TMTC1: variants seen among roughly 807,000 people sequenced by gnomAD.
TMTC1 encodes protein O-mannosyl-transferase TMTC1.
TMTC1 carries 73 observed loss-of-function variants against 104.8 expected under a neutral mutation model. The observed-to-expected ratio is 0.70, with a 90% CI of 0.58 to 0.85. The LOEUF is 0.85. Among genes scored for constraint, TMTC1 ranks in the 40% least tolerant of loss-of-function variants. TMTC1 has a pLI of 0.00. For missense variants in TMTC1, 1,035 were observed against 1,096.1 expected, an observed-to-expected ratio of 0.94 and a Z score of 0.79; for synonymous variants, 434 against 428.7, an observed-to-expected ratio of 1.01 and a Z score of -0.15.
intron 15 of TMTC1, among the ~76,000 whole-genome samples, chr12:29,515,525 C>T (rs1313185228): frequency 6.6e-6 from 1 of 152,170 alleles, no homozygotes; most frequent in Non-Finnish European, 1.5e-5. Context: ...ATCCTCCTTG[C>T]TTCTTCCTCT....
chr12:29,747,563 C>T (rs1348735316), intron 5 of TMTC1, among the ~76,000 whole-genome samples: 1 of 152,092 alleles, frequency 6.6e-6, no homozygotes, highest in African/African-American at 2.4e-5. Context: ...CCAATGCATC[C>T]CATATGACTA....
intron 7 of TMTC1, among the ~76,000 whole-genome samples, chr12:29,591,600 G>A (rs1946282801): frequency 6.6e-6 from 1 of 152,200 alleles, no homozygotes; most frequent in African/African-American, 2.4e-5. Flanking sequence ...CTTCGAGAAT[G>A]TAGCGATCTG....
intron 15 of TMTC1, among the ~76,000 whole-genome samples, chr12:29,515,744 G>A (rs1015239587): frequency 1.6e-5 from 2 of 121,250 alleles, no homozygotes; most frequent in Non-Finnish European, 3.4e-5. Flanking sequence ...ATGAAGACAA[G>A]GGCAGTGACT....
intron 11 of TMTC1, among the ~76,000 whole-genome samples, chr12:29,526,100 T>C (rs1944336258): frequency 6.6e-6 from 1 of 152,180 alleles, no homozygotes; most frequent in African/African-American, 2.4e-5. Context: ...GAAGTTTTGA[T>C]TGTCTTCCCA....
At chr12:29,587,711 C>T (rs1218156143) in intron 7 of TMTC1, among the ~76,000 whole-genome samples, 1 of 152,182 alleles carries the variant, frequency 6.6e-6, no homozygotes, top group Non-Finnish European at 1.5e-5. Context: ...CTATTACTAT[C>T]AGAAGTATTA....
chr12:29,698,887 C>T (rs1273331463), intron 5 of TMTC1, among the ~76,000 whole-genome samples: 1 of 152,148 alleles, frequency 6.6e-6, no homozygotes, highest in Non-Finnish European at 1.5e-5. Flanking sequence ...CTGGAACAAC[C>T]CCATACTCTC....
intron 10 of TMTC1, among the ~76,000 whole-genome samples, chr12:29,540,747 C>A (rs1285035358): frequency 6.6e-6 from 1 of 152,024 alleles, no homozygotes; most frequent in East Asian, 1.9e-4. Context: ...GTAATCCCAG[C>A]ACTTTCGGAG....
chr12:29,558,899 G>A (rs778713860), intron 9 of TMTC1, among the ~76,000 whole-genome samples: 1 of 152,178 alleles, frequency 6.6e-6, no homozygotes, highest in African/African-American at 2.4e-5. Context: ...GCCCAGGAAA[G>A]TGTCCCGCAA....
intron 5 of TMTC1, among the ~76,000 whole-genome samples, chr12:29,704,388 T>C (rs1038436903): frequency 1.1e-4 from 16 of 152,302 alleles, no homozygotes; most frequent in African/African-American, 2.9e-4. Context: ...AGATGAATGA[T>C]AGAAAGTCTG....
intron 17 of TMTC1, among the ~76,000 whole-genome samples, chr12:29,508,475 C>A (rs1011130962): frequency 1.8e-4 from 27 of 152,132 alleles, no homozygotes; most frequent in African/African-American, 5.8e-4. Flanking sequence ...GAATGTCAGC[C>A]CCAGTGAAGT....
intron 10 of TMTC1, among the ~76,000 whole-genome samples, chr12:29,543,477 C>T (rs900926588): frequency 6.6e-6 from 1 of 152,044 alleles, no homozygotes; most frequent in South Asian, 2.1e-4. Context: ...ATTTGGCGAC[C>T]CTCTTGGTGG....
chr12:29,514,415 T>C, intron 16 of TMTC1, 67 bp downstream of exon 16: 1 of 1,513,092 alleles, frequency 6.6e-7, no homozygotes, highest in Non-Finnish European at 8.9e-7. Context: ...CATGTTTCCT[T>C]AAAGATCAAA....
chr12:29,647,035 C>A lies in TMTC1; in HGVS notation c.939-13699G>T, dbSNP rs1057003579. Reference sequence around the variant, plus strand: ...AGCTTCGTTTCGAAAAAACATGTTTCTTTTTGAGACAGAATGTCACTCTGT... The same window carrying A: ...AGCTTCGTTTCGAAAAAACATGTTTATTTTTGAGACAGAATGTCACTCTGT... On this transcript the variant is annotated intron_variant, in intron 5 of 17. Coordinates refer to ENST00000539277, the MANE Select transcript of TMTC1 (RefSeq NM_001193451.2). Among the ~76,000 whole-genome samples, 4 of 152,130 alleles carry A rather than the reference C, an allele frequency of 2.6e-5. No homozygotes were observed. In the East Asian group the frequency reaches 5.8e-4, roughly 22 times the overall value.
Position 29,670,369 on chromosome 12 carries a change from C to T in TMTC1, c.939-37033G>A, listed in dbSNP as rs150927722. Among the ~76,000 whole-genome samples the T allele has an allele frequency of 4.9e-3, 750 of 152,288 alleles. 3 individuals carry two copies. The highest frequency in any genetic ancestry group is 0.013 in the South Asian group (63 of 4,824). ...GTTCTAATGCCTGTAATCCTTAGCA[C>T]ATTCCTGTCAGACGGGCACTATTAA... On this transcript the variant is annotated intron_variant, in intron 5 of 17. Coordinates refer to ENST00000539277, the MANE Select transcript of TMTC1 (RefSeq NM_001193451.2).
At chr12:29,748,287 C>T (rs961961791) in intron 5 of TMTC1, among the ~76,000 whole-genome samples, 2 of 152,164 alleles carry the variant, frequency 1.3e-5, no homozygotes, top group Non-Finnish European at 2.9e-5. Flanking sequence ...TCACCTAGCT[C>T]AATGTATTAG....
intron 9 of TMTC1, among the ~76,000 whole-genome samples, chr12:29,561,247 G>A (rs1249321526): frequency 2.0e-5 from 3 of 151,308 alleles, no homozygotes; most frequent in East Asian, 1.9e-4. Flanking sequence ...GAAGGCAGCC[G>A]GCTCCTGTAA....
At chr12:29,577,201 G>T (rs1049035360) in intron 8 of TMTC1, among the ~76,000 whole-genome samples, 14 of 152,054 alleles carry the variant, frequency 9.2e-5, no homozygotes, top group East Asian at 1.9e-4. Context: ...TGTTAGGGGA[G>T]CCAGGTTTTG....
chr12:29,759,452 G>A (rs117284595), intron 2 of TMTC1, among the ~76,000 whole-genome samples: 5,323 of 152,224 alleles, frequency 0.035, 118 homozygotes, highest in Non-Finnish European at 0.053. Flanking sequence ...AGCTGTGATC[G>A]TGCCACTGCA....
intron 1 of TMTC1, among the ~76,000 whole-genome samples, chr12:29,771,906 A>G (rs1468196664): frequency 2.0e-5 from 3 of 152,226 alleles, no homozygotes; most frequent in Non-Finnish European, 4.4e-5. Flanking sequence ...GATCTTTGCC[A>G]TATTTATGGC....
Sources: allele counts gnomAD v4.1 joint callset (sites outside exome capture counted in the v4.1 genomes callset), GRCh38; gene constraint gnomAD v4.1.1; transcripts MANE v1.5; gene names NCBI Gene and HGNC (gene_info 2026-07-23, HGNC 2026-07-21).